The following TRIM6 variants were observed in gnomAD, a reference collection of about 807,000 sequenced individuals.
TRIM6 encodes tripartite motif containing 6.
Under a neutral mutation model 51.2 loss-of-function variants are expected in TRIM6, and 43 were observed. The ratio of observed to expected loss-of-function variants is 0.84; its 90% CI spans 0.66 to 1.08. The LOEUF (loss-of-function observed/expected upper bound fraction) is 1.08, where lower values mean the gene tolerates loss of function less well. Ranked by LOEUF, TRIM6 falls within the 50% of genes least tolerant of loss-of-function variation. TRIM6 has a pLI of 0.00. For missense variants in TRIM6, 669 were observed against 619.0 expected, an observed-to-expected ratio of 1.08 and a Z score of -0.86; for synonymous variants, 215 against 232.4, an observed-to-expected ratio of 0.93 and a Z score of 0.68.
In TRIM6 at chr11:5,605,436, C is replaced by T; in HGVS notation, c.703C>T (p.Gln235Ter). The change falls in exon 4 of 8, where the codon CAG becomes TAG. Residue 235 changes from glutamine (Q) to a stop codon, truncating the protein, a stop_gained. Coordinates refer to ENST00000380097, the MANE Select transcript of TRIM6 (RefSeq NM_001003818.3). LOFTEE classifies it high-confidence loss of function. ...VEQRELKKLE[Q>*]EEKKGLRIIE... Reference sequence around the variant, plus strand: ...GCAACGGGAGCTGAAAAAGCTGGAACAGGAAGAGAAGAAGGGGCTACGAAT... The same window carrying T: ...GCAACGGGAGCTGAAAAAGCTGGAATAGGAAGAGAAGAAGGGGCTACGAAT... The T allele has an allele frequency of 6.2e-7, 1 of 1,614,150 alleles. No individual in the cohort carries two copies. The highest frequency in any genetic ancestry group is 8.5e-7 in the Non-Finnish European group (1 of 1,180,042).
chr11:5,598,908 G>A (rs1435856511), intron 1 of TRIM6, among the ~76,000 whole-genome samples: 2 of 151,940 alleles, frequency 1.3e-5, no homozygotes, highest in African/African-American at 2.4e-5. Flanking sequence ...GATACATAAA[G>A]GGCATTTCCC....
chr11:5,608,303 TG>T, intron 4 of TRIM6, 68 bp from the exon 5 acceptor site: 1 of 1,602,164 alleles, frequency 6.2e-7, no homozygotes, highest in Non-Finnish European at 8.5e-7. Flanking sequence ...GTAGGGGACA[TG>T]GAAGGAGAAA....
intron 1 of TRIM6, among the ~76,000 whole-genome samples, chr11:5,601,568 G>A (rs1847852262): frequency 1.3e-5 from 2 of 152,118 alleles, no homozygotes; most frequent in South Asian, 4.1e-4. Context: ...GATCAGCCTG[G>A]CCAACATGGT....
Position 5,605,395 on chromosome 11 carries a change from T to C in TRIM6, c.662T>C (p.Ile221Thr), listed in dbSNP as rs202161716. 4.9e-4 allele frequency: 794 copies of C among 1,614,114 alleles called. 1 individual carries two copies. Among genetic ancestry groups the C allele is most frequent in the Admixed American group, 2.7e-3 (163 of 60,004 alleles). Reference protein sequence around the residue: ...IQTEFNQLRNILDRVEQRELK... With the variant: ...IQTEFNQLRNTLDRVEQRELK... ...ACAGAGTTTAATCAGCTGCGAAATA[T>C]CCTAGACAGAGTGGAGCAACGGGAG... Residue 221 changes from isoleucine to threonine, a missense_variant, in exon 4 of 8, where the codon ATC (isoleucine) becomes ACC (threonine). Ile to Thr is a moderately conservative substitution (Grantham distance 89). Transcript: ENST00000380097.
intron 1 of TRIM6, among the ~76,000 whole-genome samples, chr11:5,599,388 T>TATTTATTC (rs1847685600): frequency 1.5e-5 from 1 of 65,564 alleles, no homozygotes; most frequent in Non-Finnish European, 3.7e-5. Flanking sequence ...TTATTATATT[T>TATTTATTC]ATTTATTTAT....
rs375651329 is a variant in TRIM6 at position 5,604,537 on chromosome 11, A to G, written c.511A>G (p.Lys171Glu). 4 of 1,609,618 alleles carry G rather than the reference A, an allele frequency of 2.5e-6. No individual in the cohort carries two copies. Among genetic ancestry groups the G allele is most frequent in the Non-Finnish European group, 3.4e-6 (4 of 1,178,136 alleles). The change falls in exon 3 of 8, where the codon AAG becomes GAG. Residue 171 changes from lysine to glutamate, a missense_variant. Transcript: ENST00000380097. ...GACCTGATTTGTTTTCTTCAAGGAGAAGTTTCAGGAGTCTCTAAAGAAGCT... is the reference window on the plus strand; with the variant it reads ...GACCTGATTTGTTTTCTTCAAGGAGGAGTTTCAGGAGTCTCTAAAGAAGCT... Reference protein sequence around the residue: ...VEEVAQEYQEKFQESLKKLKN... With the variant: ...VEEVAQEYQEEFQESLKKLKN...
chr11:5,611,163 C>T lies in TRIM6; in HGVS notation c.1372C>T (p.Pro458Ser), dbSNP rs188155997. ...PSLLLSMTVP[P>S]RRVGVFLDYE... ...CCTGCTTCTCTCCATGACAGTGCCC[C>T]CTCGCCGTGTTGGGGTTTTCTTAGA... Residue 458 changes from proline to serine, a missense_variant, in exon 8 of 8, where the codon CCT becomes TCT. Transcript: ENST00000380097. 7.5e-5 allele frequency: 121 copies of T among 1,614,192 alleles called. No individual in the cohort carries two copies. Among genetic ancestry groups the T allele is most frequent in the East Asian group, 3.8e-4 (17 of 44,876 alleles).
chr11:5,596,688 C>A lies in TRIM6; in HGVS notation c.-210C>A. The A allele has an allele frequency of 1.4e-6, 1 of 705,474 alleles. No individual in the cohort carries two copies. The highest frequency in any genetic ancestry group is 2.3e-6 in the Non-Finnish European group (1 of 429,608). The allele number at this position is 705,474 out of a possible 1,614,324, so 43.7% of individuals were successfully genotyped here. ...GCAAACTCCTGACCTGTGGGTCCGT[C>A]CGTTCAACGGCCAAAGGCTGGCGGA... On this transcript the variant is annotated 5_prime_UTR_variant, in exon 1 of 8. Transcript: ENST00000380097.
chr11:5,601,593 AC>A (rs1456780849), intron 1 of TRIM6, among the ~76,000 whole-genome samples: 2 of 152,060 alleles, frequency 1.3e-5, no homozygotes, highest in African/African-American at 4.8e-5. Context: ...CCCTGTCTCT[AC>A]TAAAAATACA....
chr11:5,605,594 T>C, intron 4 of TRIM6, 27 bp downstream of exon 4: 2 of 1,589,394 alleles, frequency 1.3e-6, no homozygotes, highest in South Asian at 1.1e-5. Context: ...AGCCCAGATC[T>C]GAGAGTCAAG....
Position 5,610,173 on chromosome 11 carries a change from G to A in TRIM6, c.886G>A (p.Glu296Lys), listed in dbSNP as rs1199635807. The part of the protein sequence containing the change: ...RSEFWTLRKP[E>K]ALPTKLRSMF... ...TGAGTTCTGGACCCTGAGGAAGCCAGAAGCTCTCCCTACAAAGCTGAGAAG... is the reference window on the plus strand; with the variant it reads ...TGAGTTCTGGACCCTGAGGAAGCCAAAAGCTCTCCCTACAAAGCTGAGAAG... Residue 296 changes from glutamate to lysine, a missense_variant, in exon 6 of 8, where the codon GAA (glutamate) becomes AAA (lysine). Transcript: ENST00000380097. 6.2e-7 allele frequency: 1 copy of A among 1,614,142 alleles called. No homozygotes were observed.
rs1445003684 is a variant in TRIM6, at chr11:5,605,373, G to C, written c.640G>C (p.Glu214Gln). 1 of 1,614,176 alleles carries C rather than the reference G, an allele frequency of 6.2e-7. No homozygotes were observed. Among genetic ancestry groups the C allele is most frequent in the Admixed American group, 1.7e-5 (1 of 60,022 alleles). The change falls in exon 4 of 8, where the codon GAG (glutamate) becomes CAG (glutamine). Residue 214 changes from glutamate to glutamine, a missense_variant. Physicochemically the swap from Glu to Gln is conservative, Grantham distance 29. Coordinates refer to ENST00000380097, the MANE Select transcript of TRIM6 (RefSeq NM_001003818.3). ...MEPERCRIQT[E>Q]FNQLRNILDR... is the part of the protein sequence containing the mutation. The stretch of plus-strand genomic sequence containing the variant: ...GCCTGAGAGATGCAGGATCCAGACA[G>C]AGTTTAATCAGCTGCGAAATATCCT...
At chr11:5,604,078 C>G (rs1332033148) in intron 2 of TRIM6, among the ~76,000 whole-genome samples, 3 of 152,116 alleles carry the variant, frequency 2.0e-5, no homozygotes, top group Non-Finnish European at 2.9e-5. Flanking sequence ...TCACTGCAAC[C>G]TCCGCCTCCC....
chr11:5,597,340 C>T lies in TRIM6; in HGVS notation c.17+426C>T, dbSNP rs117085933. Among the ~76,000 whole-genome samples the T allele has an allele frequency of 6.1e-3, 928 of 152,234 alleles. 8 individuals are homozygous for T. Among genetic ancestry groups the T allele is most frequent in the Non-Finnish European group, 0.01 (709 of 68,028 alleles). On this transcript the variant is annotated intron_variant, in intron 1 of 7. Coordinates refer to ENST00000380097, the MANE Select transcript of TRIM6 (RefSeq NM_001003818.3). ...TTATGGTCATTATTACTGGCAAACT[C>T]CATGCCTAGCTTTAAAAAAATGCAC...
In TRIM6 at chr11:5,612,021, A is replaced by G. The variant is rs1848598389; in HGVS notation, c.*679A>G. ...CTGTAAATTATTGAGACAATTGTGT[A>G]TCATTTTTGTTCTGTTAATGTGGCT... On this transcript the variant is annotated 3_prime_UTR_variant, in exon 8 of 8. Transcript: ENST00000380097. The G allele has an allele frequency of 1.3e-5, 2 of 152,188 alleles. No individual in the cohort carries two copies. The highest frequency in any genetic ancestry group is 6.5e-5 in the Admixed American group (1 of 15,272). 9.4% of individuals were successfully genotyped at this position (152,188 alleles called of 1,614,324 possible).
intron 3 of TRIM6, 100 bp downstream of exon 3, chr11:5,604,729 C>T (rs1010130632): frequency 2.3e-5 from 30 of 1,287,240 alleles, no homozygotes; most frequent in Non-Finnish European, 3.1e-5. Flanking sequence ...CCTCTGATGC[C>T]ATGACTAGAA....
At chr11:5,601,057 C>T (rs1478773849) in intron 1 of TRIM6, among the ~76,000 whole-genome samples, 1 of 152,184 alleles carries the variant, frequency 6.6e-6, no homozygotes, top group Non-Finnish European at 1.5e-5. Flanking sequence ...GATATAAGGT[C>T]TCAACTGCCT....
In TRIM6 at chr11:5,611,541, C is replaced by A. The variant is rs997086891; in HGVS notation, c.*199C>A. On this transcript the variant is annotated 3_prime_UTR_variant, in exon 8 of 8. Transcript: ENST00000380097. ...CAATCTCGGCTCACTGCAACCTCTG[C>A]CTCCTGGGTTCAAGCGAACCTCCTG... The A allele has an allele frequency of 4.1e-5, 22 of 530,948 alleles. No homozygotes were observed. Among genetic ancestry groups the A allele is most frequent in the Non-Finnish European group, 5.9e-5 (18 of 302,680 alleles). 32.9% of individuals were successfully genotyped at this position (530,948 alleles called of 1,614,324 possible).
intron 5 of TRIM6, among the ~76,000 whole-genome samples, chr11:5,609,429 A>G (rs1053404655): frequency 1.3e-5 from 2 of 152,190 alleles, no homozygotes; most frequent in African/African-American, 2.4e-5. Flanking sequence ...AGCCCCAGCA[A>G]TAGGCCCCTG....
Sources: gnomAD v4.1 joint callset for allele counts (sites outside exome capture counted in the v4.1 genomes callset) on GRCh38, gnomAD v4.1.1 for gene constraint, MANE v1.5 for transcripts, NCBI Gene and HGNC (gene_info 2026-07-23, HGNC 2026-07-21) for gene names.